The following PRR5L variants were observed in gnomAD, a reference collection of about 807,000 sequenced individuals.
PRR5L encodes the protein proline rich 5 like.
A neutral mutation model predicts 36.4 loss-of-function variants in PRR5L; 21 were observed. The ratio of observed to expected loss-of-function variants is 0.58; its 90% confidence interval spans 0.41 to 0.83. The LOEUF (loss-of-function observed/expected upper bound fraction) is 0.83, where lower values mean the gene tolerates loss of function less well. PRR5L is among the 40% of genes least tolerant of loss of function. The pLI, the probability that PRR5L is intolerant of heterozygous loss-of-function variation, is 0.00. For missense variants in PRR5L, 381 were observed against 473.3 expected, an observed-to-expected ratio of 0.80 and a Z score of 1.81; for synonymous variants, 188 against 197.0, an observed-to-expected ratio of 0.95 and a Z score of 0.38.
At chr11:36,396,640 C>G (rs1482467389) in intron 1 of PRR5L, among the ~76,000 whole-genome samples, 1 of 152,178 alleles carries the variant, frequency 6.6e-6, no homozygotes, top group Non-Finnish European at 1.5e-5. Context: ...AAGTGCTTGA[C>G]AAATATTTAT....
intron 1 of PRR5L, among the ~76,000 whole-genome samples, chr11:36,329,752 C>T (rs1321517730): frequency 6.6e-6 from 1 of 152,168 alleles, no homozygotes; most frequent in Non-Finnish European, 1.5e-5. Flanking sequence ...AAGCCAAGAG[C>T]TTGCTATCAG....
intron 1 of PRR5L, among the ~76,000 whole-genome samples, chr11:36,329,893 C>G (rs1360821404): frequency 6.6e-6 from 1 of 152,178 alleles, no homozygotes; most frequent in Non-Finnish European, 1.5e-5. Context: ...CCCTGTAGTC[C>G]AGGAACCAGG....
At chr11:36,335,678 C>T (rs1856762244) in intron 1 of PRR5L, among the ~76,000 whole-genome samples, 1 of 152,032 alleles carries the variant, frequency 6.6e-6, no homozygotes, top group African/African-American at 2.4e-5. Flanking sequence ...ATTTAGAATG[C>T]AAATACAACA....
chr11:36,320,516 C>T (rs1856605030), intron 1 of PRR5L, among the ~76,000 whole-genome samples: 1 of 152,216 alleles, frequency 6.6e-6, no homozygotes, highest in Admixed American at 6.5e-5. Context: ...AGACGACGCT[C>T]TGTGCCCTGT....
intron 1 of PRR5L, among the ~76,000 whole-genome samples, chr11:36,354,506 A>G (rs114981404): frequency 0.06 from 9,113 of 152,246 alleles, 312 homozygotes; most frequent in Middle Eastern, 0.088. Flanking sequence ...TATTTCCTAT[A>G]TGCACAGAAG....
intron 1 of PRR5L, among the ~76,000 whole-genome samples, chr11:36,391,375 G>A (rs1857561854): frequency 6.6e-6 from 1 of 152,172 alleles, no homozygotes; most frequent in Non-Finnish European, 1.5e-5. Context: ...CAGCTGTGAG[G>A]AGAAAGTGAG....
intron 8 of PRR5L, among the ~76,000 whole-genome samples, chr11:36,453,174 G>A (rs903291323): frequency 6.6e-6 from 1 of 152,180 alleles, no homozygotes; most frequent in African/African-American, 2.4e-5. Flanking sequence ...GCTCTCCCTG[G>A]TAGAAGTGGG....
intron 1 of PRR5L, among the ~76,000 whole-genome samples, chr11:36,297,097 G>A (rs1214907857): frequency 1.3e-5 from 2 of 152,180 alleles, no homozygotes; most frequent in African/African-American, 2.4e-5. Flanking sequence ...TTTTATGGAT[G>A]AGGAAATTGA....
intron 1 of PRR5L, among the ~76,000 whole-genome samples, chr11:36,391,872 T>G (rs1184985678): frequency 6.6e-6 from 1 of 152,256 alleles, no homozygotes; most frequent in African/African-American, 2.4e-5. Flanking sequence ...TATAGTTGAC[T>G]GTAGTCACCC....
At chr11:36,318,675 T>C (rs765062161) in intron 1 of PRR5L, among the ~76,000 whole-genome samples, 50 of 152,058 alleles carry the variant, frequency 3.3e-4, no homozygotes, top group Non-Finnish European at 5.9e-4. Context: ...TGTGCTAGGA[T>C]AGGATTTCAG....
chr11:36,297,863 T>C (rs192856644), intron 1 of PRR5L, among the ~76,000 whole-genome samples: 2 of 152,284 alleles, frequency 1.3e-5, no homozygotes, highest in Admixed American at 1.3e-4. Context: ...TTCTCTCCTC[T>C]GGCTTACTGA....
chr11:36,441,199 A>G (rs1858715596), intron 6 of PRR5L, among the ~76,000 whole-genome samples: 2 of 152,150 alleles, frequency 1.3e-5, no homozygotes, highest in South Asian at 4.1e-4. Flanking sequence ...CATCAACTCA[A>G]TCAGAAGTTC....
chr11:36,432,154 TTTTTTTTTGTTTTGTTTTTG>T (rs1445187174), intron 5 of PRR5L, among the ~76,000 whole-genome samples: 56 of 5,674 alleles, frequency 9.9e-3, no homozygotes, highest in East Asian at 0.026. Flanking sequence ...TTGTTCAGGG[TTTTTTTTTGTTTTGTTTTTG>T]TTTTTGTTTT....
rs1411344364 is a variant in PRR5L at position 36,351,526 on chromosome 11, TA to T, written c.-125-49470del. Among the ~76,000 whole-genome samples the T allele has an allele frequency of 7.0e-4, 27 of 38,482 alleles. 6 individuals are homozygous for T. The South Asian group carries it at 7.2e-3, about 10-fold the overall frequency. The allele number at this position is 38,482 out of a possible 152,430, so 25.2% of individuals were successfully genotyped here. A position where few individuals can be genotyped will look rare whatever the true frequency, so the allele number is the denominator to read the frequency against. ...TTTTATATATTTATATATATTTATA[TA>T]TTTATATAAATATATATTTATATAT... On this transcript the variant is annotated intron_variant, in intron 1 of 8. Coordinates refer to ENST00000530639, the MANE Select transcript of PRR5L (RefSeq NM_001160167.2).
intron 1 of PRR5L, among the ~76,000 whole-genome samples, chr11:36,361,041 C>T (rs779505839): frequency 1.5e-4 from 23 of 152,246 alleles, no homozygotes; most frequent in Non-Finnish European, 3.1e-4. Context: ...CAAGAAACAG[C>T]ACTTTCACTT....
At chr11:36,348,804 G>A (rs567939081) in intron 1 of PRR5L, among the ~76,000 whole-genome samples, 3 of 152,104 alleles carry the variant, frequency 2.0e-5, no homozygotes, top group African/African-American at 4.8e-5. Flanking sequence ...CTATAACTCC[G>A]CTACCAATGT....
At chr11:36,350,084 G>A (rs191318) in intron 1 of PRR5L, 44,191 of 150,728 alleles carry the variant, frequency 0.29, 7,070 homozygotes, top group East Asian at 0.7. Flanking sequence ...GGAGTTTCTT[G>A]CTGTAATCCA....
intron 1 of PRR5L, among the ~76,000 whole-genome samples, chr11:36,339,935 C>T (rs1364716886): frequency 6.6e-6 from 1 of 152,216 alleles, no homozygotes; most frequent in Admixed American, 6.5e-5. Context: ...CTGTCCCTCC[C>T]TCTTTCTGTG....
intron 1 of PRR5L, among the ~76,000 whole-genome samples, chr11:36,366,338 A>AT (rs1187678963): frequency 6.6e-6 from 1 of 151,778 alleles, no homozygotes; most frequent in East Asian, 1.9e-4. Context: ...TGCAATTCAT[A>AT]TTTTTTTGCA....
Sources: allele counts gnomAD v4.1 joint callset (sites outside exome capture counted in the v4.1 genomes callset), GRCh38; gene constraint gnomAD v4.1.1; transcripts MANE v1.5; gene names NCBI Gene and HGNC (gene_info 2026-07-23, HGNC 2026-07-21).